Variants in MAGEA11 observed in about 807,000 individuals in gnomAD.
MAGEA11 encodes the protein MAGE family member A11.
A neutral mutation model predicts 8.4 loss-of-function variants in MAGEA11; 1 was observed. That is an observed-to-expected ratio of 0.12 (90% CI 0.04 to 0.57). The LOEUF (loss-of-function observed/expected upper bound fraction) is 0.57. Ranked by LOEUF, MAGEA11 falls within the 20% of genes least tolerant of loss-of-function variation. The pLI, the probability that MAGEA11 is intolerant of heterozygous loss-of-function variation, is 0.91. For missense variants in MAGEA11, 209 were observed against 317.3 expected, an observed-to-expected ratio of 0.66 and a Z score of 2.59; for synonymous variants, 127 against 119.3, an observed-to-expected ratio of 1.06 and a Z score of -0.42.
At position 149,706,742 on chromosome X, in the gene MAGEA11, G is replaced by A. The variant is rs782773510; in HGVS notation, c.10-7739G>A. On this transcript the variant is annotated intron_variant, in intron 1 of 3. Coordinates refer to the MAGEA11 transcript ENST00000333104. ...AGTTGGGAAGACTGAAGTCAGATAC[G>A]GGAGACTGTGGGCAAGTGTGGGCAC... Among the ~76,000 whole-genome samples, 355 of 112,072 alleles carry A rather than the reference G, an allele frequency of 3.2e-3. 1 individual carries two copies. The highest frequency in any genetic ancestry group is 0.011 in the African/African-American group (337 of 30,924).
intron 1 of MAGEA11, among the ~76,000 whole-genome samples, chrX:149,693,262 T>C (rs190448768): frequency 8.9e-6 from 1 of 112,381 alleles, no homozygotes; most frequent in Admixed American, 9.4e-5. Context: ...TATTAATGCA[T>C]GTAAATTGGA....
At position 149,695,140 on chromosome X, in the gene MAGEA11, AAGCATTCC is replaced by A. The variant is rs1199646002; in HGVS notation, c.9+6161_9+6168del. 8.0e-5 allele frequency among the ~76,000 whole-genome samples: 9 copies of A among 112,146 alleles called. No individual in the cohort carries two copies. The South Asian group carries it at 3.4e-3, about 42-fold the overall frequency. On this transcript the variant is annotated intron_variant, in intron 1 of 3. Transcript: ENST00000333104. ...GTCATTTCTTTTCTGACAAAAGACA[AAGCATTCC>A]AGCACTATCTAAGAGCCTAGAATGG...
rs782165667 is a variant in MAGEA11, at chrX:149,716,721, C to T, written c.1235C>T (p.Thr412Ile). ...YIANANGRDP[T>I]SYPSLYEDAL... ...GCCAATGCCAATGGGAGGGATCCCACTTCTTACCCATCCCTGTATGAAGAT... is the reference window on the plus strand; with the variant it reads ...GCCAATGCCAATGGGAGGGATCCCATTTCTTACCCATCCCTGTATGAAGAT... The change falls in exon 5 of 5, where the codon ACT becomes ATT. Residue 412 changes from threonine to isoleucine, a missense_variant. By Grantham distance (89) the Thr-to-Ile change is moderately conservative. This residue lies in a region of MAGEA11 where 78 missense variants were observed against 178.8 expected (regional missense o/e 0.44). Coordinates refer to ENST00000355220, the MANE Select transcript of MAGEA11 (RefSeq NM_005366.5). 7 of 1,206,157 alleles carry T rather than the reference C, an allele frequency of 5.8e-6. No homozygotes were observed. In the South Asian group the frequency reaches 9.0e-5, roughly 15 times the overall value.
chrX:149,711,625 C>A (rs1345167854), upstream of MAGEA11: 2 of 113,220 alleles, frequency 1.8e-5, no homozygotes, highest in Non-Finnish European at 3.7e-5. Context: ...AGAGGAGGAC[C>A]CTCCTGAGTG....
At chrX:149,712,817 G>C (rs1382112971) in intron 1 of MAGEA11, among the ~76,000 whole-genome samples, 18 of 111,977 alleles carry the variant, frequency 1.6e-4, no homozygotes, top group African/African-American at 5.2e-4. Flanking sequence ...GGCTGGTTGG[G>C]GGGGGCAGGA....
chrX:149,708,496 C>T (rs1438681576), upstream of MAGEA11, among the ~76,000 whole-genome samples: 1 of 112,034 alleles, frequency 8.9e-6, no homozygotes, highest in African/African-American at 3.2e-5. Context: ...AAAGGTTATT[C>T]ATAGAAGGCC....
chrX:149,714,697 C>T, intron 3 of MAGEA11, 121 bp downstream of exon 3: 1 of 1,070,156 alleles, frequency 9.3e-7, no homozygotes, highest in African/African-American at 1.9e-5. Flanking sequence ...TGCTGAGACC[C>T]CTCTCTTATA....
chrX:149,711,047 G>A (rs1487547623), upstream of MAGEA11, among the ~76,000 whole-genome samples: 1 of 111,388 alleles, frequency 9.0e-6, no homozygotes, highest in Non-Finnish European at 1.9e-5. Flanking sequence ...TCAGACCACA[G>A]GTGCCAGTAG....
chrX:149,689,846 C>G (rs1436743813), intron 1 of MAGEA11, among the ~76,000 whole-genome samples: 1 of 112,582 alleles, frequency 8.9e-6, no homozygotes, highest in Non-Finnish European at 1.9e-5. Flanking sequence ...CTTCATTGTC[C>G]TACCCCTGAC....
intron 2 of MAGEA11, 51 bp downstream of exon 2, chrX:149,713,306 G>A (rs781878857): frequency 9.8e-6 from 8 of 812,297 alleles, no homozygotes; most frequent in Non-Finnish European, 1.4e-5. Context: ...GGCCACATGT[G>A]GTGCATCCTC....
chrX:149,713,053 G>A, intron 1 of MAGEA11, 90 bp from the exon 2 acceptor site: 1 of 544,460 alleles, frequency 1.8e-6, no homozygotes, highest in Non-Finnish European at 3.1e-6. Flanking sequence ...AGGTGAGCAA[G>A]GCCTGAGGGA....
chrX:149,704,713 G>A (rs782152810), intron 1 of MAGEA11, among the ~76,000 whole-genome samples: 1 of 112,193 alleles, frequency 8.9e-6, no homozygotes, highest in South Asian at 3.7e-4. Context: ...ATGGATATCA[G>A]AAGTCCAGTC....
chrX:149,712,546 C>T (rs1222643287), intron 1 of MAGEA11, among the ~76,000 whole-genome samples: 5 of 109,501 alleles, frequency 4.6e-5, no homozygotes, highest in Non-Finnish European at 9.6e-5. Context: ...TTCTGAAGGG[C>T]GGCTTGTGAC....
upstream of MAGEA11, among the ~76,000 whole-genome samples, chrX:149,708,408 A>G (rs2090386090): frequency 8.9e-6 from 1 of 112,164 alleles, no homozygotes; most frequent in Non-Finnish European, 1.9e-5. Flanking sequence ...ACAAAGTTGC[A>G]CACGTACCCC....
chrX:149,689,021 G>C, intron 1 of MAGEA11: 1 of 1,014,864 alleles, frequency 9.9e-7, no homozygotes, highest in Non-Finnish European at 1.3e-6. Flanking sequence ...GGGTAAGCTG[G>C]AGTGGGAATG....
At chrX:149,714,144 T>C (rs1405114695) in intron 2 of MAGEA11, 9 of 201,141 alleles carry the variant, frequency 4.5e-5, no homozygotes, top group Non-Finnish European at 6.4e-5. Context: ...CATCCCATAA[T>C]GAAGGGATCC....
At chrX:149,694,662 C>T (rs1401773359) in intron 1 of MAGEA11, among the ~76,000 whole-genome samples, 1 of 111,870 alleles carries the variant, frequency 8.9e-6, no homozygotes, top group Non-Finnish European at 1.9e-5. Flanking sequence ...TGATGATTTT[C>T]CTTTTTCTTT....
At position 149,716,800 on chromosome X, in the gene MAGEA11, CGGG is replaced by C; in HGVS notation, c.*25_*27del. On this transcript the variant is annotated 3_prime_UTR_variant, in exon 5 of 5. Transcript: ENST00000355220. ...GAGCATGAGATGCAACCAGGGCCAGCGGGCAGGGAAATGGGCCAATGCATGCTT... is the reference window on the plus strand; with the variant it reads ...GAGCATGAGATGCAACCAGGGCCAGCCAGGGAAATGGGCCAATGCATGCTT... The C allele has an allele frequency of 8.6e-7, 1 of 1,166,166 alleles. No individual in the cohort carries two copies. The highest frequency in any genetic ancestry group is 1.1e-6 in the Non-Finnish European group (1 of 870,718).
chrX:149,710,944 C>A (rs6641353), upstream of MAGEA11, among the ~76,000 whole-genome samples: 1 of 110,365 alleles, frequency 9.1e-6, no homozygotes, highest in African/African-American at 3.3e-5. Context: ...TTGTGATTGG[C>A]GGGGAAGAGT....
Sources: allele counts gnomAD v4.1 joint callset (sites outside exome capture counted in the v4.1 genomes callset), GRCh38; gene constraint gnomAD v4.1.1; regional missense constraint gnomAD v4.1.1; transcripts MANE v1.5; gene names NCBI Gene and HGNC (gene_info 2026-07-23, HGNC 2026-07-21).